The following REPS2 variants were observed in gnomAD, a reference collection of about 807,000 sequenced individuals.
REPS2 encodes RALBP1 associated Eps domain containing 2, also known as ralBP1-associated Eps domain-containing protein 2.
REPS2 carries 23 observed loss-of-function variants against 53.6 expected under a neutral mutation model. The observed-to-expected ratio is 0.43, with a 90% CI of 0.31 to 0.61. REPS2 has a LOEUF of 0.61. Ranked by LOEUF, REPS2 falls within the 20% of genes least tolerant of loss-of-function variation. The pLI is 0.11. For synonymous variants in REPS2, 238 were observed against 218.6 expected, an observed-to-expected ratio of 1.09 and a Z score of -0.78; for missense variants, 446 against 534.9, an observed-to-expected ratio of 0.83 and a Z score of 1.64.
At chrX:17,183,579 A>G in the REPS2 span, among the ~76,000 whole-genome samples, 205 of 111,902 alleles carry the variant, frequency 1.8e-3, 1 homozygote, top group African/African-American at 6.2e-3. Flanking sequence ...CCTTCTCACG[A>G]CCACCACTGA....
chrX:17,137,077 T>G (rs1045225690), intron 16 of REPS2: 1 of 112,570 alleles, frequency 8.9e-6, no homozygotes, highest in East Asian at 2.8e-4. Flanking sequence ...TTTTGGCTCT[T>G]AAGAGTAATG....
intron 1 of REPS2, among the ~76,000 whole-genome samples, chrX:16,953,769 A>G (rs2060555098): frequency 9.0e-6 from 1 of 111,377 alleles, no homozygotes; most frequent in African/African-American, 3.3e-5. Context: ...AGAGACCCTT[A>G]TGCCAAAAGG....
At chrX:17,168,725 G>A in the REPS2 span, among the ~76,000 whole-genome samples, 1 of 112,188 alleles carries the variant, frequency 8.9e-6, no homozygotes, top group Non-Finnish European at 1.9e-5. Context: ...GGATTCAGAG[G>A]CATTTGAACT....
intron 8 of REPS2, among the ~76,000 whole-genome samples, chrX:17,055,978 T>TA (rs751630889): frequency 9.4e-6 from 1 of 106,261 alleles, no homozygotes; most frequent in Non-Finnish European, 1.9e-5. Context: ...CCCTAAAACT[T>TA]AGAGTATAAT....
intron 5 of REPS2, among the ~76,000 whole-genome samples, chrX:17,037,562 C>T (rs1301851826): frequency 8.9e-6 from 1 of 112,591 alleles, no homozygotes; most frequent in African/African-American, 3.2e-5. Flanking sequence ...GTGATTCACC[C>T]GCCTTGGCCT....
chrX:16,968,127 A>C (rs2060798835), intron 1 of REPS2, among the ~76,000 whole-genome samples: 1 of 111,670 alleles, frequency 9.0e-6, no homozygotes, highest in Non-Finnish European at 1.9e-5. Flanking sequence ...GAGTGGACAC[A>C]GCACATGTTT....
rs1366922056 is a variant in REPS2 at position 17,153,240 on chromosome X, G to A, written c.*5759G>A. 8.9e-6 allele frequency: 1 copy of A among 112,126 alleles called. No homozygotes were observed. Among genetic ancestry groups the A allele is most frequent in the Non-Finnish European group, 1.9e-5 (1 of 53,095 alleles). 9.2% of individuals were successfully genotyped at this position (112,126 alleles called of 1,213,427 possible). On this transcript the variant is annotated 3_prime_UTR_variant, in exon 18 of 18. Coordinates refer to ENST00000357277, the MANE Select transcript of REPS2 (RefSeq NM_004726.3). Reference sequence around the variant, plus strand: ...AAAATATACATGATGTGAAACTGGGGTGCTATGTTAAAAATAAATGTATGA... The same window carrying A: ...AAAATATACATGATGTGAAACTGGGATGCTATGTTAAAAATAAATGTATGA...
intron 13 of REPS2, among the ~76,000 whole-genome samples, chrX:17,090,751 A>G (rs1044862324): frequency 8.9e-6 from 1 of 112,220 alleles, no homozygotes; most frequent in Non-Finnish European, 1.9e-5. Flanking sequence ...ACAAAGTGTA[A>G]TGTTAAATTT....
intron 14 of REPS2, among the ~76,000 whole-genome samples, chrX:17,107,923 G>A (rs942249090): frequency 9.0e-6 from 1 of 110,999 alleles, no homozygotes; most frequent in Non-Finnish European, 1.9e-5. Context: ...GTTTGTTTTT[G>A]TTTTGTTTTC....
At chrX:16,968,848 A>T (rs1321074589) in intron 1 of REPS2, among the ~76,000 whole-genome samples, 2 of 95,505 alleles carry the variant, frequency 2.1e-5, no homozygotes, top group Admixed American at 1.1e-4. Flanking sequence ...TCCCTCCCGG[A>T]CGGGGTGGCT....
chrX:17,111,732 T>C (rs990155348), intron 14 of REPS2, among the ~76,000 whole-genome samples: 3 of 111,694 alleles, frequency 2.7e-5, no homozygotes, highest in Non-Finnish European at 3.8e-5. Flanking sequence ...TTGTGGGAAT[T>C]AAGTAAGTTA....
chrX:17,080,801 C>G (rs1036876850), intron 13 of REPS2, among the ~76,000 whole-genome samples: 2 of 112,142 alleles, frequency 1.8e-5, no homozygotes, highest in Non-Finnish European at 3.8e-5. Flanking sequence ...TTATGATTTG[C>G]CTGCTCAGAA....
chrX:17,183,102 T>C, the REPS2 span, among the ~76,000 whole-genome samples: 34 of 112,393 alleles, frequency 3.0e-4, no homozygotes, highest in Admixed American at 1.2e-3. Flanking sequence ...TGGTGAAAAA[T>C]GTTCAAAGGA....
At chrX:17,134,072 A>AGATTCCTG (rs1471222310) in intron 15 of REPS2, among the ~76,000 whole-genome samples, 165 bp downstream of exon 15, 4 of 111,803 alleles carry the variant, frequency 3.6e-5, no homozygotes, top group African/African-American at 1.3e-4. Flanking sequence ...GGGGTCCTGA[A>AGATTCCTG]GATTCCTGGG....
In REPS2 at chrX:17,077,344, C is replaced by G. The variant is rs1424648727; in HGVS notation, c.1453C>G (p.Gln485Glu). Residue 485 changes from glutamine (Q) to glutamate (E), a missense_variant, in exon 13 of 18, where the codon CAG (glutamine) becomes GAG (glutamate). Physicochemically the swap from Gln to Glu is conservative, Grantham distance 29. Coordinates refer to ENST00000357277, the MANE Select transcript of REPS2 (RefSeq NM_004726.3). ...CCCTCCCACCCCGCCACCTCGGCCACAGAAAACCCATTCCAGAGCCTCCTC... is the reference window on the plus strand; with the variant it reads ...CCCTCCCACCCCGCCACCTCGGCCAGAGAAAACCCATTCCAGAGCCTCCTC... Reference protein sequence around the residue: ...EDPPTPPPRPQKTHSRASSLD... With the variant: ...EDPPTPPPRPEKTHSRASSLD... The G allele has an allele frequency of 8.3e-7, 1 of 1,210,963 alleles. No homozygotes were observed. The highest frequency in any genetic ancestry group is 3.0e-5 in the East Asian group (1 of 33,771).
intron 17 of REPS2, 107 bp downstream of exon 17, chrX:17,139,068 G>C: frequency 2.1e-6 from 1 of 472,080 alleles, no homozygotes; most frequent in Non-Finnish European, 3.5e-6. Flanking sequence ...TATAGGGTGG[G>C]GTACATAGTG....
intron 1 of REPS2, among the ~76,000 whole-genome samples, chrX:16,977,567 C>G (rs1391480789): frequency 9.2e-6 from 1 of 109,239 alleles, no homozygotes; most frequent in Non-Finnish European, 1.9e-5. Flanking sequence ...TTTAAAAAAT[C>G]TAGCTGGGCA....
intron 1 of REPS2, among the ~76,000 whole-genome samples, chrX:16,975,270 T>C (rs1006355797): frequency 8.0e-5 from 9 of 112,251 alleles, no homozygotes; most frequent in African/African-American, 2.9e-4. Flanking sequence ...TTTCCGTTTT[T>C]AGGTCTTTGA....
intron 17 of REPS2, among the ~76,000 whole-genome samples, chrX:17,142,356 A>G (rs1385420486): frequency 8.9e-6 from 1 of 111,803 alleles, no homozygotes; most frequent in Non-Finnish European, 1.9e-5. Flanking sequence ...ATTGGACTTC[A>G]TCAAAATTAA....
Sources: allele counts gnomAD v4.1 joint callset (sites outside exome capture counted in the v4.1 genomes callset), GRCh38; gene constraint gnomAD v4.1.1; transcripts MANE v1.5; gene names NCBI Gene and HGNC (gene_info 2026-07-23, HGNC 2026-07-21).